The following NDST4 variants were observed in gnomAD, a reference collection of about 807,000 sequenced individuals.
NDST4 encodes the protein N-heparan sulfate sulfotransferase 4.
In NDST4, 63 loss-of-function variants were observed where a neutral mutation model predicts 100.8. The ratio of observed to expected loss-of-function variants is 0.62; its 90% confidence interval spans 0.51 to 0.77. The LOEUF (loss-of-function observed/expected upper bound fraction) is 0.77, where lower values mean the gene tolerates loss of function less well. Ranked by LOEUF, NDST4 falls within the 30% of genes least tolerant of loss-of-function variation. The probability of loss-of-function intolerance (pLI) is 0.00; values close to 1 mark genes in which losing one functional copy is unlikely to be tolerated. For missense variants in NDST4, 943 were observed against 1,018.4 expected (o/e 0.93, Z 1.01); for synonymous variants, 377 against 361.8 (o/e 1.04, Z -0.48).
chr4:115,025,582 A>G (rs928507790), intron 2 of NDST4, among the ~76,000 whole-genome samples: 6 of 152,266 alleles, frequency 3.9e-5, no homozygotes, highest in Admixed American at 6.5e-5. Flanking sequence ...TTTGTTCTTC[A>G]TAATGGCCAT....
intron 6 of NDST4, among the ~76,000 whole-genome samples, chr4:114,875,704 G>T (rs116282484): frequency 1.3e-5 from 2 of 152,144 alleles, no homozygotes; most frequent in South Asian, 2.1e-4. Flanking sequence ...GACTTATGAA[G>T]CTGCTAATAT....
At chr4:114,857,935 G>A (rs1723834009) in intron 7 of NDST4, among the ~76,000 whole-genome samples, 1 of 152,170 alleles carries the variant, frequency 6.6e-6, no homozygotes, top group East Asian at 1.9e-4. Context: ...ACACCAGAGA[G>A]CATTTTATGT....
At chr4:115,022,567 C>T (rs1426778754) in intron 2 of NDST4, among the ~76,000 whole-genome samples, 1 of 147,662 alleles carries the variant, frequency 6.8e-6, no homozygotes, top group Admixed American at 6.7e-5. Flanking sequence ...GAATTAATGG[C>T]ATTCGCAGCA....
At chr4:114,829,663 T>G in intron 13 of NDST4, 127 bp downstream of exon 13, 1 of 608,094 alleles carries the variant, frequency 1.6e-6, no homozygotes, top group Non-Finnish European at 2.8e-6. Flanking sequence ...TATCATCCTC[T>G]AAGTATATAA....
chr4:114,903,791 G>C (rs980110925), intron 6 of NDST4, among the ~76,000 whole-genome samples: 6 of 151,926 alleles, frequency 3.9e-5, no homozygotes, highest in African/African-American at 1.2e-4. Context: ...AAGCAACATA[G>C]GCACTATTTT....
intron 6 of NDST4, among the ~76,000 whole-genome samples, chr4:114,889,957 C>T (rs1031680786): frequency 3.9e-5 from 6 of 152,206 alleles, no homozygotes; most frequent in African/African-American, 9.6e-5. Flanking sequence ...ATAATATATT[C>T]GCACGAAGGG....
intron 6 of NDST4, among the ~76,000 whole-genome samples, chr4:114,898,042 T>C (rs776673141): frequency 1.3e-5 from 2 of 152,198 alleles, no homozygotes; most frequent in Non-Finnish European, 2.9e-5. Flanking sequence ...TTTCGCATAG[T>C]AGTTTTTAAT....
At chr4:115,023,505 GAA>G (rs1668073055) in intron 2 of NDST4, among the ~76,000 whole-genome samples, 1 of 120,490 alleles carries the variant, frequency 8.3e-6, no homozygotes, top group Non-Finnish European at 1.8e-5. Flanking sequence ...AAAAAAAAAA[GAA>G]CTTATTCATG....
intron 2 of NDST4, among the ~76,000 whole-genome samples, chr4:115,030,733 G>A (rs543020940): frequency 7.2e-5 from 11 of 152,182 alleles, no homozygotes; most frequent in African/African-American, 2.6e-4. Context: ...GTTTGGCAGA[G>A]AGTTTGCCAA....
At chr4:115,090,610 G>A (rs966999985) in intron 1 of NDST4, among the ~76,000 whole-genome samples, 5 of 151,876 alleles carry the variant, frequency 3.3e-5, no homozygotes, top group African/African-American at 1.2e-4. Flanking sequence ...TGTGAAAGGA[G>A]AAAATAAAAA....
chr4:114,923,479 C>T (rs954934532), intron 6 of NDST4, among the ~76,000 whole-genome samples: 1 of 152,056 alleles, frequency 6.6e-6, no homozygotes, highest in Admixed American at 6.5e-5. Context: ...ATTTTGAACC[C>T]TTCAGTAGAG....
At chr4:115,099,960 G>C in intron 1 of NDST4, among the ~76,000 whole-genome samples, 1 of 152,038 alleles carries the variant, frequency 6.6e-6, no homozygotes, top group East Asian at 1.9e-4. Context: ...ACATCTGTAC[G>C]GTGAAATATC....
At chr4:114,938,732 G>A (rs539564553) in intron 4 of NDST4, among the ~76,000 whole-genome samples, 143 of 152,280 alleles carry the variant, frequency 9.4e-4, no homozygotes, top group Non-Finnish European at 1.8e-3. Context: ...GCTACACTCA[G>A]TTCAGAAGAT....
chr4:114,909,156 A>G (rs984790222), intron 6 of NDST4, among the ~76,000 whole-genome samples: 2 of 152,212 alleles, frequency 1.3e-5, no homozygotes, highest in African/African-American at 4.8e-5. Context: ...ATCAAAAATT[A>G]TCTCCTCCTA....
chr4:114,943,247 T>C (rs1201777709), intron 4 of NDST4, among the ~76,000 whole-genome samples: 13 of 151,652 alleles, frequency 8.6e-5, no homozygotes, highest in Admixed American at 5.9e-4. Context: ...TATACCTAAA[T>C]ATACATTGAC....
intron 7 of NDST4, among the ~76,000 whole-genome samples, chr4:114,868,944 T>TTATA (rs3077771): frequency 0.016 from 2,319 of 143,590 alleles, 48 homozygotes; most frequent in East Asian, 0.045. Flanking sequence ...CACTTGCAAA[T>TTATA]TATATATATA....
At chr4:115,019,274 A>T (rs544914797) in intron 2 of NDST4, among the ~76,000 whole-genome samples, 10 of 152,226 alleles carry the variant, frequency 6.6e-5, no homozygotes, top group African/African-American at 2.4e-4. Context: ...ATTATAAAAA[A>T]CAAGTTTAAA....
At chr4:114,934,669 CA>C (rs1725589366) in intron 6 of NDST4, among the ~76,000 whole-genome samples, 1 of 151,708 alleles carries the variant, frequency 6.6e-6, no homozygotes, top group African/African-American at 2.4e-5. Flanking sequence ...AACAAAGTTC[CA>C]GTTAGATGGG....
At chr4:114,919,224 G>T (rs1192556605) in intron 6 of NDST4, among the ~76,000 whole-genome samples, 2 of 152,132 alleles carry the variant, frequency 1.3e-5, no homozygotes, top group Non-Finnish European at 2.9e-5. Context: ...ATAAAAATGT[G>T]GCTGGGCTTA....
Sources: gnomAD v4.1 joint callset for allele counts (sites outside exome capture counted in the v4.1 genomes callset) on GRCh38, gnomAD v4.1.1 for gene constraint, MANE v1.5 for transcripts, NCBI Gene and HGNC (gene_info 2026-07-23, HGNC 2026-07-21) for gene names.